The following KIAA0319L variants were observed in gnomAD, a reference collection of about 807,000 sequenced individuals.
KIAA0319L encodes the protein KIAA0319 like.
A neutral mutation model predicts 120.1 loss-of-function variants in KIAA0319L; 55 were observed. The ratio of observed to expected loss-of-function variants is 0.46; its 90% confidence interval spans 0.37 to 0.57. KIAA0319L has a LOEUF of 0.57. Among genes scored for constraint, KIAA0319L ranks in the 20% least tolerant of loss-of-function variants. The pLI is 0.00. For synonymous variants in KIAA0319L, 398 were observed against 471.9 expected, an observed-to-expected ratio of 0.84 and a Z score of 2.03; for missense variants, 1,049 against 1,255.3, an observed-to-expected ratio of 0.84 and a Z score of 2.48.
chr1:35,491,859 G>A (rs1182092911), intron 3 of KIAA0319L, among the ~76,000 whole-genome samples: 4 of 152,132 alleles, frequency 2.6e-5, no homozygotes, highest in Non-Finnish European at 5.9e-5. Context: ...GACAGTAAAA[G>A]ACTATAATGA....
Position 35,453,719 on chromosome 1 carries a change from C to A in KIAA0319L, c.1781-30G>T, listed in dbSNP as rs1237538811. On this transcript the variant is annotated intron_variant, in intron 11 of 20. Transcript: ENST00000325722. The surrounding 1 kb of genome is among the most constrained non-coding windows in gnomAD (Gnocchi z 4.1). ...AAGACAAAGAGTTAGAGGTCAAAAG[C>A]AGCCAGTCCAGGTGGGAAAGGAGAG... 1.2e-6 allele frequency: 2 copies of A among 1,603,516 alleles called. No individual in the cohort carries two copies. Among genetic ancestry groups the A allele is most frequent in the Admixed American group, 1.7e-5 (1 of 58,532 alleles).
At chr1:35,454,027 G>C (rs1351907622) in intron 11 of KIAA0319L, among the ~76,000 whole-genome samples, 1 of 152,232 alleles carries the variant, frequency 6.6e-6, no homozygotes, top group African/African-American at 2.4e-5. Flanking sequence ...CAAGGACGTG[G>C]TATTGGGTTG....
chr1:35,449,385 A>G (rs913954615), intron 15 of KIAA0319L, among the ~76,000 whole-genome samples: 8 of 152,240 alleles, frequency 5.3e-5, no homozygotes, highest in Non-Finnish European at 8.8e-5. Context: ...AAATGTAAAG[A>G]GCACTATTAC....
intron 2 of KIAA0319L, among the ~76,000 whole-genome samples, chr1:35,546,159 C>G (rs1267441077): frequency 6.6e-6 from 1 of 151,976 alleles, no homozygotes; most frequent in Non-Finnish European, 1.5e-5. Flanking sequence ...TGAGACTGCC[C>G]AGGGAGACCA....
chr1:35,543,140 TTC>T (rs558742187), intron 2 of KIAA0319L, among the ~76,000 whole-genome samples: 83 of 152,340 alleles, frequency 5.4e-4, no homozygotes, highest in Non-Finnish European at 1.0e-3. Flanking sequence ...CTTTAGCAAA[TTC>T]TGATTGGCCT....
intron 2 of KIAA0319L, among the ~76,000 whole-genome samples, chr1:35,540,000 T>C (rs1285186357): frequency 6.6e-6 from 1 of 152,254 alleles, no homozygotes; most frequent in East Asian, 1.9e-4. Flanking sequence ...CATACATTTA[T>C]TTCAAACTCA....
Position 35,484,794 on chromosome 1 carries a change from ATATATATATATATT to A in KIAA0319L, c.667-5596_667-5583del, listed in dbSNP as rs1241279085. Among the ~76,000 whole-genome samples, 87 of 43,870 alleles carry A rather than the reference ATATATATATATATT, an allele frequency of 2.0e-3. 2 individuals carry two copies. Among genetic ancestry groups the A allele is most frequent in the African/African-American group, 1.0e-2 (81 of 8,106 alleles). The allele number at this position is 43,870 out of a possible 152,430, so 28.8% of individuals were successfully genotyped here. A position where few individuals can be genotyped will look rare whatever the true frequency, so the allele number is the denominator to read the frequency against. ...TATATATATATATATATATATATAT[ATATATATATATATT>A]TTTTTTTTTATTATACTCTAAGTTT... On this transcript the variant is annotated intron_variant, in intron 3 of 20. Transcript: ENST00000325722.
intron 2 of KIAA0319L, among the ~76,000 whole-genome samples, chr1:35,536,885 AAAC>A (rs995995792): frequency 4.6e-5 from 7 of 152,074 alleles, no homozygotes; most frequent in African/African-American, 9.7e-5. Context: ...AAAAAAAAAA[AAAC>A]AACTGTAACT....
chr1:35,512,687 G>T (rs1645501105), intron 2 of KIAA0319L, among the ~76,000 whole-genome samples: 3 of 151,744 alleles, frequency 2.0e-5, no homozygotes, highest in Non-Finnish European at 4.4e-5. Flanking sequence ...TGGCCAACAT[G>T]GTGAAACCCC....
intron 3 of KIAA0319L, among the ~76,000 whole-genome samples, chr1:35,501,820 G>A (rs1434937264): frequency 6.6e-6 from 1 of 150,938 alleles, no homozygotes; most frequent in African/African-American, 2.4e-5. Flanking sequence ...GGAGGTTGCA[G>A]TGAGCCAAGA....
intron 2 of KIAA0319L, among the ~76,000 whole-genome samples, chr1:35,529,941 C>CA (rs1480149803): frequency 2.0e-5 from 3 of 148,622 alleles, no homozygotes; most frequent in Non-Finnish European, 4.4e-5. Context: ...ACCCAAGACT[C>CA]AGATTTTTGG....
chr1:35,447,972 C>A (rs1421577917), intron 16 of KIAA0319L, among the ~76,000 whole-genome samples: 1 of 152,166 alleles, frequency 6.6e-6, no homozygotes, highest in East Asian at 1.9e-4. Context: ...ACCTCCTACA[C>A]CCTGGAGCCC....
chr1:35,496,495 T>C lies in KIAA0319L; in HGVS notation c.666+10117A>G, dbSNP rs1570823837. On this transcript the variant is annotated intron_variant, in intron 3 of 20. Transcript: ENST00000325722. ...TCCCACATATTTACCCAGGAGAAAT[T>C]AAAATATATGCTATACAAAGACTTG... is the stretch of plus-strand genomic sequence containing the variant. 3.9e-5 allele frequency among the ~76,000 whole-genome samples: 6 copies of C among 152,252 alleles called. No homozygotes were observed. In the South Asian group the frequency reaches 1.2e-3, roughly 32 times the overall value.
intron 20 of KIAA0319L, among the ~76,000 whole-genome samples, chr1:35,438,257 C>T (rs1419975809): frequency 6.6e-6 from 1 of 152,184 alleles, no homozygotes; most frequent in Non-Finnish European, 1.5e-5. Flanking sequence ...ACTTGATCTC[C>T]ACCATTTCTT....
chr1:35,521,318 G>A (rs967261029), intron 2 of KIAA0319L, among the ~76,000 whole-genome samples: 6 of 151,978 alleles, frequency 3.9e-5, no homozygotes, highest in African/African-American at 1.2e-4. Context: ...CAGCCTGGGC[G>A]AGAGAGCAAG....
rs1644021316 is a variant in KIAA0319L at position 35,478,868 on chromosome 1, A to G, written c.913+98T>C. 8.6e-6 allele frequency: 12 copies of G among 1,388,862 alleles called. No homozygotes were observed. In the Admixed American group the frequency reaches 2.3e-4, roughly 27 times the overall value. 86.0% of individuals were successfully genotyped at this position (1,388,862 alleles called of 1,614,324 possible). Reference sequence around the variant, plus strand: ...AGTTATTTTTTCTCTAACACACAGTATTCAAGTTATGCCTCCCTTCCTTCT... The same window carrying G: ...AGTTATTTTTTCTCTAACACACAGTGTTCAAGTTATGCCTCCCTTCCTTCT... On this transcript the variant is annotated intron_variant, in intron 4 of 20. Transcript: ENST00000325722.
chr1:35,478,603 T>C (rs1286103456), intron 4 of KIAA0319L, among the ~76,000 whole-genome samples: 1 of 152,178 alleles, frequency 6.6e-6, no homozygotes, highest in East Asian at 1.9e-4. Context: ...ATAAAGATGC[T>C]ATAAAAATGA....
At chr1:35,436,350 C>T (rs1462229873) in intron 20 of KIAA0319L, among the ~76,000 whole-genome samples, 2 of 152,200 alleles carry the variant, frequency 1.3e-5, no homozygotes, top group African/African-American at 2.4e-5. Context: ...AGCTTCCTCA[C>T]CCGCGTTGGT....
intron 2 of KIAA0319L, among the ~76,000 whole-genome samples, chr1:35,532,128 T>C (rs560652578): frequency 6.7e-4 from 101 of 151,424 alleles, no homozygotes; most frequent in African/African-American, 2.0e-3. Flanking sequence ...GGCGTGGTGG[T>C]AGGCACCAAG....
Sources: gnomAD v4.1 joint callset for allele counts (sites outside exome capture counted in the v4.1 genomes callset) on GRCh38, gnomAD v4.1.1 for gene constraint, Gnocchi (gnomAD v3.1) non-coding constraint, MANE v1.5 for transcripts, NCBI Gene and HGNC (gene_info 2026-07-23, HGNC 2026-07-21) for gene names.